Variants in ATP11A observed in about 807,000 individuals in gnomAD.
ATP11A encodes phospholipid-transporting ATPase IH.
A neutral mutation model predicts 154.4 loss-of-function variants in ATP11A; 81 were observed. That is an observed-to-expected ratio of 0.52 (90% confidence interval 0.44 to 0.63). ATP11A has a LOEUF of 0.63. ATP11A is among the 30% of genes least tolerant of loss of function. The probability of loss-of-function intolerance (pLI) is 0.00; values close to 1 mark genes in which losing one functional copy is unlikely to be tolerated. For synonymous variants in ATP11A, 623 were observed against 585.9 expected (o/e 1.06, Z -0.91); for missense variants, 1,316 against 1,474.3 (o/e 0.89, Z 1.76).
chr13:112,854,468 G>C lies in ATP11A; in HGVS notation c.2181G>C (p.Leu727=). Reference sequence around the variant, plus strand: ...AGGAGCAGAGCCTGCACGACGTCCTGTTCGAGCTGAGCAAGACGGTCCTGC... The same window carrying C: ...AGGAGCAGAGCCTGCACGACGTCCTCTTCGAGCTGAGCAAGACGGTCCTGC... The part of the protein sequence containing the change: ...RIEEQSLHDV[L]FELSKTVLRH... The change falls in exon 19 of 30, where the codon CTG becomes CTC. Residue 727 remains leucine (L), a synonymous_variant. Transcript: ENST00000375645. 1 of 1,612,708 alleles carries C rather than the reference G, an allele frequency of 6.2e-7. No individual in the cohort carries two copies. Among genetic ancestry groups the C allele is most frequent in the Non-Finnish European group, 8.5e-7 (1 of 1,180,016 alleles).
chr13:112,760,193 A>G (rs2076932393), intron 1 of ATP11A, among the ~76,000 whole-genome samples: 1 of 152,268 alleles, frequency 6.6e-6, no homozygotes, highest in South Asian at 2.1e-4. Context: ...AAGTGGGAAT[A>G]AAAGTAATTT....
chr13:112,828,427 G>GGGGGAAAGTGCCCAGCAGTGTTGAGTC (rs2079001628), intron 12 of ATP11A, among the ~76,000 whole-genome samples: 1 of 135,812 alleles, frequency 7.4e-6, no homozygotes, highest in African/African-American at 2.8e-5. Context: ...GGTGTTGAGT[G>GGGGGAAAGTGCCCAGCAGTGTTGAGTC]GGGGGAAAGT....
In ATP11A at chr13:112,886,142, C is replaced by CT. The variant is rs2080977808; in HGVS notation, c.*4277dup. 6.6e-6 allele frequency: 1 copy of CT among 152,302 alleles called. No homozygotes were observed. Among genetic ancestry groups the CT allele is most frequent in the East Asian group, 1.9e-4 (1 of 5,198 alleles). 9.4% of individuals were successfully genotyped at this position (152,302 alleles called of 1,614,324 possible). A position where few individuals can be genotyped will look rare whatever the true frequency, so the allele number is the denominator to read the frequency against. ...AAGCCCCAGTCAACCCAGCCTGTGTCTGAGCAGACAGGGCGAACAAGCAGG... is the reference window on the plus strand; with the variant it reads ...AAGCCCCAGTCAACCCAGCCTGTGTCTTGAGCAGACAGGGCGAACAAGCAGG... On this transcript the variant is annotated 3_prime_UTR_variant, in exon 30 of 30. Transcript: ENST00000375645.
intron 1 of ATP11A, among the ~76,000 whole-genome samples, chr13:112,742,914 C>T (rs142035732): frequency 6.6e-6 from 1 of 152,240 alleles, no homozygotes; most frequent in East Asian, 1.9e-4. Flanking sequence ...TTATTGTGTA[C>T]GTGGGCAGAG....
chr13:112,778,603 C>T (rs560039787), intron 1 of ATP11A, among the ~76,000 whole-genome samples: 48 of 152,048 alleles, frequency 3.2e-4, no homozygotes, highest in African/African-American at 1.2e-3. Flanking sequence ...TGAGTAGCCG[C>T]TGGTTTGAGG....
At chr13:112,874,377 A>G (rs2080648204) in intron 27 of ATP11A, among the ~76,000 whole-genome samples, 1 of 152,208 alleles carries the variant, frequency 6.6e-6, no homozygotes, top group African/African-American at 2.4e-5. Flanking sequence ...GGCAGAGCAC[A>G]GCAGAGTTGA....
Position 112,690,251 on chromosome 13 carries a change from G to A in ATP11A, c.-166G>A, listed in dbSNP as rs1215768261. On this transcript the variant is annotated 5_prime_UTR_variant, in exon 1 of 30. Coordinates refer to ENST00000375645, the MANE Select transcript of ATP11A (RefSeq NM_015205.3). This position sits in a 1 kb window ranked among gnomAD's most constrained non-coding sequence, Gnocchi z 5.6. ...CGCGGACCCAGCATTCGCCGGCCGGGCCGGGCATGAGCGCGGAGGGGCCGC... is the reference window on the plus strand; with the variant it reads ...CGCGGACCCAGCATTCGCCGGCCGGACCGGGCATGAGCGCGGAGGGGCCGC... 5.1e-5 allele frequency: 12 copies of A among 234,704 alleles called. No individual in the cohort carries two copies. Among genetic ancestry groups the A allele is most frequent in the Non-Finnish European group, 8.4e-5 (12 of 142,326 alleles). The allele number at this position is 234,704 out of a possible 1,614,324, so 14.5% of individuals were successfully genotyped here.
At chr13:112,742,337 C>T (rs551089377) in intron 1 of ATP11A, among the ~76,000 whole-genome samples, 8 of 152,060 alleles carry the variant, frequency 5.3e-5, no homozygotes, top group African/African-American at 9.7e-5. Flanking sequence ...TGTCGAGTTG[C>T]GCCTGAGACA....
chr13:112,713,331 G>A (rs1887981993), intron 1 of ATP11A, among the ~76,000 whole-genome samples: 2 of 152,170 alleles, frequency 1.3e-5, no homozygotes, highest in Non-Finnish European at 2.9e-5. Context: ...GGAGGCGGAG[G>A]TTGCAGTGAG....
At chr13:112,811,648 C>G (rs1324996285) in intron 5 of ATP11A, 1 of 152,098 alleles carries the variant, frequency 6.6e-6, no homozygotes. Flanking sequence ...CTCTGTCACC[C>G]AGGCTGGAGT....
intron 18 of ATP11A, among the ~76,000 whole-genome samples, chr13:112,852,401 T>C (rs1279958818): frequency 2.0e-5 from 3 of 152,130 alleles, no homozygotes; most frequent in Non-Finnish European, 4.4e-5. Context: ...GTGGGAAGTT[T>C]TGGTTTGGTG....
At chr13:112,732,182 C>G in intron 1 of ATP11A, among the ~76,000 whole-genome samples, 1 of 152,154 alleles carries the variant, frequency 6.6e-6, no homozygotes, top group Non-Finnish European at 1.5e-5. Flanking sequence ...GGTCTGGAGT[C>G]GGAGGAGCCA....
chr13:112,726,679 C>T (rs1889924873), intron 1 of ATP11A, among the ~76,000 whole-genome samples: 1 of 152,072 alleles, frequency 6.6e-6, no homozygotes, highest in South Asian at 2.1e-4. Flanking sequence ...GCTTTGCAAA[C>T]TGGAAAAAAA....
rs750547366 is a variant in ATP11A, at chr13:112,832,904, C to T, written c.1440C>T (p.Thr480=). 2.9e-5 allele frequency: 46 copies of T among 1,613,958 alleles called. No individual in the cohort carries two copies. The Admixed American group carries it at 6.0e-4, about 21-fold the overall frequency. The change falls in exon 14 of 30, where the codon ACC becomes ACT. Residue 480 remains threonine, a synonymous_variant. Transcript: ENST00000375645. ...LFFRALCLCH[T]VQVKDDDSVD... ...TCCGGGCCCTCTGTCTCTGCCACAC[C>T]GTCCAGGTGAAAGACGATGACAGCG...
intron 1 of ATP11A, chr13:112,745,309 C>A (rs1892002586): frequency 6.6e-6 from 1 of 152,294 alleles, no homozygotes; most frequent in Non-Finnish European, 1.5e-5. Context: ...AGGTGATTCA[C>A]CCACCTGGGC....
chr13:112,865,740 G>T (rs558578981), intron 25 of ATP11A, among the ~76,000 whole-genome samples: 1 of 152,160 alleles, frequency 6.6e-6, no homozygotes, highest in African/African-American at 2.4e-5. Flanking sequence ...TAGTAGAGAC[G>T]GGGTTTTACC....
rs1419823497 is a variant in ATP11A at position 112,806,209 on chromosome 13, G to C, written c.253-4G>C. On this transcript the variant is annotated splice_region_variant and splice_polypyrimidine_tract_variant and intron_variant, in intron 3 of 29. Coordinates refer to ENST00000375645, the MANE Select transcript of ATP11A (RefSeq NM_015205.3). ...GATGATTTTACAATTCTCTCTTTCT[G>C]CAGTTGATTATTGATACACCCACAA... The C allele has an allele frequency of 6.2e-7, 1 of 1,608,664 alleles. No homozygotes were observed. Among genetic ancestry groups the C allele is most frequent in the Non-Finnish European group, 8.5e-7 (1 of 1,176,578 alleles).
rs768423825 is a variant in ATP11A at position 112,838,043 on chromosome 13, G to C, written c.1705+1792G>C. ...ATGTGGGATGAATCCAGGCTCCACA[G>C]TGAGATGTCTACTGATGGTCATAGG... On this transcript the variant is annotated intron_variant, in intron 16 of 29. Coordinates refer to ENST00000375645, the MANE Select transcript of ATP11A (RefSeq NM_015205.3). The surrounding 1 kb of genome is among the most constrained non-coding windows in gnomAD (Gnocchi z 7.3). Among the ~76,000 whole-genome samples, 2 of 152,176 alleles carry C rather than the reference G, an allele frequency of 1.3e-5. No individual in the cohort carries two copies. The highest frequency in any genetic ancestry group is 2.9e-5 in the Non-Finnish European group (2 of 68,026).
chr13:112,819,866 C>A (rs775598555), intron 7 of ATP11A, 34 bp from the exon 8 acceptor site: 6 of 1,613,420 alleles, frequency 3.7e-6, no homozygotes, highest in Non-Finnish European at 5.1e-6. Context: ...CCGCTGGGCG[C>A]GTCCGGTCAG....
Sources: gnomAD v4.1 joint callset for allele counts (sites outside exome capture counted in the v4.1 genomes callset) on GRCh38, gnomAD v4.1.1 for gene constraint, Gnocchi (gnomAD v3.1) non-coding constraint, MANE v1.5 for transcripts, NCBI Gene and HGNC (gene_info 2026-07-23, HGNC 2026-07-21) for gene names.